The following PREPL variants were observed in gnomAD, a reference collection of about 807,000 sequenced individuals.
PREPL encodes prolyl endopeptidase-like.
Under a neutral mutation model 70.6 loss-of-function variants are expected in PREPL, and 77 were observed. That is an observed-to-expected ratio of 1.09 (90% CI 0.91 to 1.32). The LOEUF (loss-of-function observed/expected upper bound fraction) is 1.32. Ranked by LOEUF, PREPL falls within the 40% of genes most tolerant of loss-of-function variation. The pLI, the probability that PREPL is intolerant of heterozygous loss-of-function variation, is 0.00. For synonymous variants in PREPL, 315 were observed against 264.8 expected, an observed-to-expected ratio of 1.19 and a Z score of -1.84; for missense variants, 1,002 against 778.2, an observed-to-expected ratio of 1.29 and a Z score of -3.42.
chr2:44,346,370 T>C lies in PREPL; in HGVS notation c.-28A>G, dbSNP rs924063417. The C allele has an allele frequency of 2.5e-6, 4 of 1,612,962 alleles. No homozygotes were observed. In the African/African-American group the frequency reaches 4.0e-5, roughly 16 times the overall value. On this transcript the variant is annotated 5_prime_UTR_variant, in exon 2 of 14. Transcript: ENST00000409411. ...TTTCTGGAAGGGGTTTTTCGTTTTC[T>C]TGTTTAACAGGCTGAAGATCCTGGA...
rs765476330 is a variant in PREPL, at chr2:44,346,446, G to C, written c.-48-56C>G. On this transcript the variant is annotated intron_variant, in intron 1 of 13. Coordinates refer to ENST00000409411, the MANE Select transcript of PREPL (RefSeq NM_001171613.2). Reference sequence around the variant, plus strand: ...TTCAAACTAGGGAAAAAAAACTTTTGCTTTTTAAAGATAAGTAGGTCTATA... The same window carrying C: ...TTCAAACTAGGGAAAAAAAACTTTTCCTTTTTAAAGATAAGTAGGTCTATA... 11 of 1,545,604 alleles carry C rather than the reference G, an allele frequency of 7.1e-6. No individual in the cohort carries two copies. In the African/African-American group the frequency reaches 1.2e-4, roughly 17 times the overall value.
At position 44,320,996 on chromosome 2, in the gene PREPL, G is replaced by C. The variant is rs888928377; in HGVS notation, c.*360C>G. The C allele has an allele frequency of 1.8e-5, 7 of 387,322 alleles. No individual in the cohort carries two copies. Among genetic ancestry groups the C allele is most frequent in the Non-Finnish European group, 3.3e-5 (7 of 210,826 alleles). 24.0% of individuals were successfully genotyped at this position (387,322 alleles called of 1,614,324 possible). The stretch of plus-strand genomic sequence containing the variant: ...TTAGAGGATGACTCACTGCCACAGT[G>C]TCTAAAAGCATTTGCTAGCAAAGAG... On this transcript the variant is annotated 3_prime_UTR_variant, in exon 14 of 14. Transcript: ENST00000409411.
intron 2 of PREPL, 45 bp downstream of exon 2, chr2:44,346,223 T>C (rs369701083): frequency 7.8e-6 from 12 of 1,530,016 alleles, no homozygotes; most frequent in South Asian, 3.5e-5. Context: ...TGCATCTTGA[T>C]TGGTAATATC....
At chr2:44,330,294 G>C (rs1377481151) in intron 8 of PREPL, among the ~76,000 whole-genome samples, 1 of 152,186 alleles carries the variant, frequency 6.6e-6, no homozygotes, top group Non-Finnish European at 1.5e-5. Context: ...TTTGCCAGCA[G>C]TACTAAAATG....
intron 7 of PREPL, among the ~76,000 whole-genome samples, chr2:44,337,438 T>C (rs1674748585): frequency 6.6e-6 from 1 of 152,184 alleles, no homozygotes; most frequent in African/African-American, 2.4e-5. Flanking sequence ...TATTCTGCTT[T>C]AACAGCTTTC....
intron 1 of PREPL, among the ~76,000 whole-genome samples, chr2:44,355,601 T>G (rs1039178600): frequency 6.6e-6 from 1 of 152,166 alleles, no homozygotes; most frequent in African/African-American, 2.4e-5. Flanking sequence ...TCTGAGTTAC[T>G]GACAAGGCTT....
intron 1 of PREPL, among the ~76,000 whole-genome samples, chr2:44,352,958 G>A (rs1168446998): frequency 6.6e-6 from 1 of 152,130 alleles, no homozygotes; most frequent in African/African-American, 2.4e-5. Flanking sequence ...AAGAAAAGAT[G>A]CTCACTGGCC....
At chr2:44,324,284 G>T (rs1384992654) in intron 10 of PREPL, among the ~76,000 whole-genome samples, 2 of 152,102 alleles carry the variant, frequency 1.3e-5, no homozygotes, top group Non-Finnish European at 2.9e-5. Context: ...ATCGGTACAG[G>T]GTTTCAGTTT....
Position 44,321,214 on chromosome 2 carries a change from C to T in PREPL, c.*142G>A. ...ATAAGCAAGTGAGATGTAGACTAAG[C>T]AAAATTTAGATGGAGAAGCACATTT... On this transcript the variant is annotated 3_prime_UTR_variant, in exon 14 of 14. Transcript: ENST00000409411. The T allele has an allele frequency of 1.3e-6, 1 of 742,146 alleles. No homozygotes were observed. The highest frequency in any genetic ancestry group is 2.2e-6 in the Non-Finnish European group (1 of 455,160). The allele number at this position is 742,146 out of a possible 1,614,324, so 46.0% of individuals were successfully genotyped here. A position where few individuals can be genotyped will look rare whatever the true frequency, so the allele number is the denominator to read the frequency against.
chr2:44,350,368 G>C (rs1212068099), intron 1 of PREPL, among the ~76,000 whole-genome samples: 2 of 151,496 alleles, frequency 1.3e-5, no homozygotes, highest in African/African-American at 2.4e-5. Flanking sequence ...GATAAATGCA[G>C]GGAAAAAATA....
chr2:44,320,876 G>T lies in PREPL; in HGVS notation c.*480C>A. On this transcript the variant is annotated 3_prime_UTR_variant, in exon 14 of 14. Transcript: ENST00000409411. ...TATTCAGATAGCATCAATCAGGGAT[G>T]ACCAGAACACATTAGGACCCCAGAT... 1.9e-6 allele frequency: 1 copy of T among 540,078 alleles called. No homozygotes were observed. The allele number at this position is 540,078 out of a possible 1,614,324, so 33.5% of individuals were successfully genotyped here. A position where few individuals can be genotyped will look rare whatever the true frequency, so the allele number is the denominator to read the frequency against.
chr2:44,328,874 T>C lies in PREPL; in HGVS notation c.1262+63A>G, dbSNP rs76257956. The C allele has an allele frequency of 7.2e-3, 10,312 of 1,431,564 alleles. 56 individuals carry two copies. The highest frequency in any genetic ancestry group is 9.1e-3 in the Non-Finnish European group (9,709 of 1,061,524). 88.7% of individuals were successfully genotyped at this position (1,431,564 alleles called of 1,614,324 possible). A position where few individuals can be genotyped will look rare whatever the true frequency, so the allele number is the denominator to read the frequency against. On this transcript the variant is annotated intron_variant, in intron 9 of 13. Coordinates refer to ENST00000409411, the MANE Select transcript of PREPL (RefSeq NM_001171613.2). ...AGCTTTTGTTCCCTGATATATATTG[T>C]TATTCTTGACATCTCTCACAATGGT...
rs1448186550 is a variant in PREPL at position 44,339,193 on chromosome 2, T to C, written c.656A>G (p.Asp219Gly). 2 of 1,613,948 alleles carry C rather than the reference T, an allele frequency of 1.2e-6. No individual in the cohort carries two copies. The highest frequency in any genetic ancestry group is 1.7e-6 in the Non-Finnish European group (2 of 1,179,956). ...GVLYYVEHRD[D>G]ELYILTNVGE... ...AACATTAGTGAGAATGTATAATTCA[T>C]CATCTCTGTGTTCAACATAGTAAAG... Residue 219 changes from aspartate to glycine, a missense_variant, in exon 6 of 14, where the codon GAT (aspartate) becomes GGT (glycine). Transcript: ENST00000409411.
At chr2:44,353,127 G>C (rs1028885603) in intron 1 of PREPL, among the ~76,000 whole-genome samples, 5 of 152,036 alleles carry the variant, frequency 3.3e-5, no homozygotes, top group Admixed American at 1.3e-4. Flanking sequence ...TTTTGTATTA[G>C]GGATGGTCTA....
chr2:44,326,082 C>A (rs1174390270), intron 10 of PREPL, among the ~76,000 whole-genome samples: 1 of 152,180 alleles, frequency 6.6e-6, no homozygotes, highest in Non-Finnish European at 1.5e-5. Flanking sequence ...TCAGTGCATT[C>A]CAGAGTCACA....
At chr2:44,325,234 T>A (rs955504372) in intron 10 of PREPL, among the ~76,000 whole-genome samples, 1 of 152,224 alleles carries the variant, frequency 6.6e-6, no homozygotes, top group African/African-American at 2.4e-5. Context: ...ACACATGTGC[T>A]TTACACTCTG....
intron 12 of PREPL, 70 bp downstream of exon 12, chr2:44,322,661 T>C: frequency 6.6e-7 from 1 of 1,519,838 alleles, no homozygotes; most frequent in East Asian, 2.3e-5. Flanking sequence ...CTGAAATATA[T>C]TCCTCTGAGC....
intron 7 of PREPL, among the ~76,000 whole-genome samples, chr2:44,335,995 C>T (rs925368071): frequency 1.3e-5 from 2 of 151,720 alleles, no homozygotes; most frequent in African/African-American, 4.8e-5. Context: ...AAATCTAAAC[C>T]ACAACGAGAT....
chr2:44,356,938 G>A (rs1468748920), intron 1 of PREPL, among the ~76,000 whole-genome samples: 5 of 152,070 alleles, frequency 3.3e-5, no homozygotes, highest in African/African-American at 7.3e-5. Context: ...CCAAGCAGCT[G>A]GGATTACAGG....
Sources: gnomAD v4.1 joint callset for allele counts (sites outside exome capture counted in the v4.1 genomes callset) on GRCh38, gnomAD v4.1.1 for gene constraint, MANE v1.5 for transcripts, NCBI Gene and HGNC (gene_info 2026-07-23, HGNC 2026-07-21) for gene names.